SLC15A2: variants seen among roughly 807,000 people sequenced by gnomAD.
SLC15A2 encodes the protein solute carrier family 15 member 2.
A neutral mutation model predicts 95.5 loss-of-function variants in SLC15A2; 77 were observed. The observed-to-expected ratio is 0.81, with a 90% CI of 0.67 to 0.97. The LOEUF is 0.97. Ranked by LOEUF, SLC15A2 falls within the 50% of genes least tolerant of loss-of-function variation. The pLI, the probability that SLC15A2 is intolerant of heterozygous loss-of-function variation, is 0.00. For missense variants in SLC15A2, 893 were observed against 874.4 expected, an observed-to-expected ratio of 1.02 and a Z score of -0.27; for synonymous variants, 306 against 306.9, an observed-to-expected ratio of 1.00 and a Z score of 0.03.
chr3:121,940,939 G>C lies in SLC15A2; in HGVS notation c.2122G>C (p.Ala708Pro), dbSNP rs964354057. ...PVKTEDMRGP[A>P]DKHIPHIQGN... is the part of the protein sequence containing the mutation. ...AAAGACAGAGGATATGCGGGGTCCAGCAGATAAGCACATTCCTCACATCCA... is the reference window on the plus strand; with the variant it reads ...AAAGACAGAGGATATGCGGGGTCCACCAGATAAGCACATTCCTCACATCCA... The change falls in exon 22 of 22, where the codon GCA (alanine) becomes CCA (proline). Residue 708 changes from alanine (A) to proline (P), a missense_variant. By Grantham distance (27) the Ala-to-Pro change is conservative (BLOSUM62 -1). Transcript: ENST00000489711. 2 of 1,614,084 alleles carry C rather than the reference G, an allele frequency of 1.2e-6. No individual in the cohort carries two copies. The highest frequency in any genetic ancestry group is 2.7e-5 in the African/African-American group (2 of 74,934).
rs548341433 is a variant in SLC15A2, at chr3:121,908,121, C to T, written c.336-3453C>T. The stretch of plus-strand genomic sequence containing the variant: ...CCCTCCCCCTACTAGGCTGCTGCCT[C>T]GTGGGTCGATCTCAGACTGCTGCGC... On this transcript the variant is annotated intron_variant, in intron 3 of 21. Transcript: ENST00000489711. Among the ~76,000 whole-genome samples, 697 of 152,306 alleles carry T rather than the reference C, an allele frequency of 4.6e-3. 2 individuals are homozygous for T. Among genetic ancestry groups the T allele is most frequent in the Non-Finnish European group, 7.4e-3 (500 of 68,014 alleles).
chr3:121,920,700 C>T (rs181221455), intron 7 of SLC15A2, among the ~76,000 whole-genome samples: 3 of 152,138 alleles, frequency 2.0e-5, no homozygotes, highest in Non-Finnish European at 4.4e-5. Flanking sequence ...ATAAAGGATG[C>T]TATTTGGAGA....
intron 2 of SLC15A2, among the ~76,000 whole-genome samples, chr3:121,896,921 G>C (rs13086454): frequency 2.4e-5 from 3 of 124,372 alleles, no homozygotes; most frequent in Admixed American, 8.0e-5. Flanking sequence ...AAAAAAAAAG[G>C]GGGGGGAGGG....
At chr3:121,917,716 A>C (rs186431542) in intron 7 of SLC15A2, among the ~76,000 whole-genome samples, 4 of 152,116 alleles carry the variant, frequency 2.6e-5, no homozygotes, top group African/African-American at 9.6e-5. Context: ...AAAATAATAA[A>C]TAAATAAATA....
At chr3:121,940,592 T>C in intron 21 of SLC15A2, 104 bp downstream of exon 21, 4 of 998,476 alleles carry the variant, frequency 4.0e-6, no homozygotes, top group Non-Finnish European at 4.6e-6. Flanking sequence ...CCCCATTCAG[T>C]GCTGTGACAT....
intron 18 of SLC15A2, among the ~76,000 whole-genome samples, chr3:121,931,257 G>T (rs1710227924): frequency 6.6e-6 from 1 of 152,164 alleles, no homozygotes; most frequent in Non-Finnish European, 1.5e-5. Context: ...ACTAAAGAAG[G>T]TACTTTGGTA....
At chr3:121,904,899 G>A (rs1165176386) in intron 3 of SLC15A2, among the ~76,000 whole-genome samples, 2 of 152,144 alleles carry the variant, frequency 1.3e-5, no homozygotes, top group East Asian at 3.8e-4. Context: ...TTTTTCTATT[G>A]ATTGGAATAG....
chr3:121,896,526 C>A (rs201393729), intron 2 of SLC15A2, 33 bp downstream of exon 2: 2 of 1,487,876 alleles, frequency 1.3e-6, no homozygotes, highest in Non-Finnish European at 1.9e-6. Flanking sequence ...TACCTACTCT[C>A]CTCCACCCAC....
In SLC15A2 at chr3:121,925,770, ATATATATATAT is replaced by A. The variant is rs1559850434; in HGVS notation, c.1124+738_1124+748del. Among the ~76,000 whole-genome samples, 16 of 88,692 alleles carry A rather than the reference ATATATATATAT, an allele frequency of 1.8e-4. No individual in the cohort carries two copies. In the South Asian group the frequency reaches 2.7e-3, roughly 15 times the overall value. The allele number at this position is 88,692 out of a possible 152,430, so 58.2% of individuals were successfully genotyped here. On this transcript the variant is annotated intron_variant, in intron 13 of 21. Transcript: ENST00000489711. ...TATATATATATATATATATATATAT[ATATATATATAT>A]AAAATACAACTACTACACAGGTAAA...
intron 13 of SLC15A2, among the ~76,000 whole-genome samples, chr3:121,925,987 T>C (rs563271905): frequency 6.6e-6 from 1 of 151,560 alleles, no homozygotes; most frequent in Non-Finnish European, 1.5e-5. Context: ...TGTTATGACA[T>C]AGCGAATAGA....
At chr3:121,901,969 A>G (rs560363490) in intron 3 of SLC15A2, among the ~76,000 whole-genome samples, 12 of 152,316 alleles carry the variant, frequency 7.9e-5, no homozygotes, top group African/African-American at 2.9e-4. Context: ...TGAAGTTAGT[A>G]AACAACTTCT....
intron 7 of SLC15A2, 22 bp downstream of exon 7, chr3:121,915,715 A>G: frequency 6.4e-7 from 1 of 1,568,376 alleles, no homozygotes; most frequent in Non-Finnish European, 8.8e-7. Context: ...GAAGCAAAGG[A>G]AACTAATAAT....
intron 7 of SLC15A2, 38 bp from the exon 8 acceptor site, chr3:121,922,182 A>G (rs1420555394): frequency 6.4e-7 from 1 of 1,556,760 alleles, no homozygotes. Context: ...AACCTAATAA[A>G]TGAGAAGCTA....
Position 121,939,507 on chromosome 3 carries a change from C to CA in SLC15A2, c.1908+15dup. The CA allele has an allele frequency of 6.8e-7, 1 of 1,477,608 alleles. No individual in the cohort carries two copies. The highest frequency in any genetic ancestry group is 9.0e-7 in the Non-Finnish European group (1 of 1,111,888). 91.5% of individuals were successfully genotyped at this position (1,477,608 alleles called of 1,614,324 possible). ...TTTCTTATTCTCAGGTAAGTTTTTG[C>CA]AAATAGAAGGTAGAAATTGAGGCAT... On this transcript the variant is annotated intron_variant, in intron 20 of 21. Transcript: ENST00000489711.
intron 3 of SLC15A2, among the ~76,000 whole-genome samples, chr3:121,910,549 A>G (rs1709745058): frequency 6.6e-6 from 1 of 152,174 alleles, no homozygotes; most frequent in Admixed American, 6.5e-5. Flanking sequence ...TTCCCTAGAA[A>G]GCTAACCCAA....
intron 15 of SLC15A2, 67 bp downstream of exon 15, chr3:121,928,622 T>C: frequency 6.6e-7 from 1 of 1,509,528 alleles, no homozygotes. Flanking sequence ...TTCCTTAACA[T>C]TAATTGTATC....
intron 14 of SLC15A2, 133 bp from the exon 15 acceptor site, chr3:121,928,288 A>G (rs1559851549): frequency 1.7e-6 from 2 of 1,163,306 alleles, no homozygotes; most frequent in Non-Finnish European, 2.4e-6. Context: ...TCTAAGCCAA[A>G]TATTTTTCAG....
At chr3:121,908,016 A>C (rs1220475526) in intron 3 of SLC15A2, among the ~76,000 whole-genome samples, 1 of 152,248 alleles carries the variant, frequency 6.6e-6, no homozygotes, top group East Asian at 1.9e-4. Flanking sequence ...CAGGCCTTGC[A>C]GAGCTGCAGT....
chr3:121,918,682 A>T (rs1001557324), intron 7 of SLC15A2, among the ~76,000 whole-genome samples: 2 of 152,214 alleles, frequency 1.3e-5, no homozygotes, highest in African/African-American at 4.8e-5. Flanking sequence ...AAGTGGTAAT[A>T]GCGTTATCTT....
Sources: gnomAD v4.1 joint callset for allele counts (sites outside exome capture counted in the v4.1 genomes callset) on GRCh38, gnomAD v4.1.1 for gene constraint, MANE v1.5 for transcripts, NCBI Gene and HGNC (gene_info 2026-07-23, HGNC 2026-07-21) for gene names.